The following NOLC1 variants were observed in gnomAD, a reference collection of about 807,000 sequenced individuals.
NOLC1 encodes the protein nucleolar and coiled-body phosphoprotein 1.
Under a neutral mutation model 73.4 loss-of-function variants are expected in NOLC1, and 37 were observed. The ratio of observed to expected loss-of-function variants is 0.50; its 90% confidence interval spans 0.39 to 0.66. The LOEUF is 0.66. Ranked by LOEUF, NOLC1 falls within the 30% of genes least tolerant of loss-of-function variation. NOLC1 has a pLI of 0.00. For synonymous variants in NOLC1, 327 were observed against 302.6 expected, an observed-to-expected ratio of 1.08 and a Z score of -0.84; for missense variants, 921 against 838.9, an observed-to-expected ratio of 1.10 and a Z score of -1.21.
At chr10:102,156,284 G>T (rs1279962057) in intron 1 of NOLC1, among the ~76,000 whole-genome samples, 2 of 151,812 alleles carry the variant, frequency 1.3e-5, no homozygotes, top group Non-Finnish European at 2.9e-5. Context: ...CTTTTTTTTG[G>T]CAGAGGGGTA....
intron 5 of NOLC1, among the ~76,000 whole-genome samples, chr10:102,158,575 G>T (rs1410485660): frequency 1.3e-5 from 2 of 152,062 alleles, no homozygotes; most frequent in Non-Finnish European, 2.9e-5. Context: ...TTCATTCTAT[G>T]AGACAAATGA....
In NOLC1 at chr10:102,160,360, C is replaced by T. The variant is rs1164247041; in HGVS notation, c.1099+17C>T. ...ACAGCTCAGGTAAGGCATATGGAGG[C>T]CCTCAGTTCAGTGAGATGCTCTCAG... is the stretch of plus-strand genomic sequence containing the variant. On this transcript the variant is annotated intron_variant, in intron 9 of 12. Coordinates refer to ENST00000605788, the MANE Select transcript of NOLC1 (RefSeq NM_004741.5). 12 of 1,613,232 alleles carry T rather than the reference C, an allele frequency of 7.4e-6. No homozygotes were observed. The highest frequency in any genetic ancestry group is 1.0e-5 in the Non-Finnish European group (12 of 1,179,258).
rs775790238 is a variant in NOLC1, at chr10:102,159,474, A to T, written c.765A>T (p.Lys255Asn). The change falls in exon 7 of 13, where the codon AAA becomes AAT. Residue 255 changes from lysine (K) to asparagine (N), a missense_variant. Lys to Asn is a moderately conservative substitution (Grantham distance 94). Coordinates refer to ENST00000605788, the MANE Select transcript of NOLC1 (RefSeq NM_004741.5). ...KKQVVAKAPVKAATTPTRKSS... is the reference protein window; with the variant it reads ...KKQVVAKAPVNAATTPTRKSS... ...AAGTTGTGGCCAAGGCCCCAGTGAA[A>T]GCAGCTACCACCCCTACCCGGAAGA... 1 of 1,614,056 alleles carries T rather than the reference A, an allele frequency of 6.2e-7. No homozygotes were observed. The highest frequency in any genetic ancestry group is 1.7e-5 in the Admixed American group (1 of 60,006).
chr10:102,155,517 A>ATT (rs147766613), intron 1 of NOLC1, among the ~76,000 whole-genome samples: 240 of 133,988 alleles, frequency 1.8e-3, no homozygotes, highest in African/African-American at 6.1e-3. Context: ...GCCTGAATGC[A>ATT]TTTTTTTTTT....
In NOLC1 at chr10:102,161,560, A is replaced by G. The variant is rs889057934; in HGVS notation, c.1746A>G (p.Ser582=). 1.9e-5 allele frequency: 31 copies of G among 1,613,376 alleles called. No individual in the cohort carries two copies. The highest frequency in any genetic ancestry group is 3.3e-4 in the Middle Eastern group (2 of 6,064). Residue 582 remains serine, a synonymous_variant, in exon 11 of 13, where the codon TCA becomes TCG. Transcript: ENST00000605788. ...KAAVVVSKSG[S]LKKRKQNEAA... ...GTCTGGCTTTTTGTTTTGTAGGTTCATTAAAGAAGCGGAAGCAGAATGAGG... is the reference window on the plus strand; with the variant it reads ...GTCTGGCTTTTTGTTTTGTAGGTTCGTTAAAGAAGCGGAAGCAGAATGAGG...
Position 102,160,320 on chromosome 10 carries a change from C to G in NOLC1, c.1076C>G (p.Ala359Gly), listed in dbSNP as rs2133760620. 6.2e-7 allele frequency: 1 copy of G among 1,614,200 alleles called. No homozygotes were observed. Among genetic ancestry groups the G allele is most frequent in the Non-Finnish European group, 8.5e-7 (1 of 1,180,020 alleles). ...TTKPPPAKKA[A>G]ESSSDSSDSD... is the part of the protein sequence containing the mutation. ...AAACCACCTCCAGCAAAGAAAGCAG[C>G]AGAGAGCTCTTCAGACAGCTCAGGT... Residue 359 changes from alanine to glycine, a missense_variant, in exon 9 of 13, where the codon GCA (alanine) becomes GGA (glycine). Ala to Gly is a moderately conservative substitution (Grantham distance 60). Transcript: ENST00000605788.
chr10:102,159,123 G>A (rs1336540825), intron 5 of NOLC1, 70 bp from the exon 6 acceptor site: 4 of 1,428,900 alleles, frequency 2.8e-6, no homozygotes, highest in African/African-American at 1.4e-5. Context: ...TCTGCTCATA[G>A]GAAGGAGGTT....
chr10:102,161,106 T>C lies in NOLC1; in HGVS notation c.1741+13T>C. On this transcript the variant is annotated intron_variant, in intron 10 of 12. Transcript: ENST00000605788. ...GTTTCCAAATCAGGTCTGTACCCAA[T>C]GAACATGCCCTCTGGGTTTTGTCCC... The C allele has an allele frequency of 1.3e-6, 2 of 1,587,418 alleles. No homozygotes were observed. The highest frequency in any genetic ancestry group is 1.7e-6 in the Non-Finnish European group (2 of 1,171,816).
At chr10:102,154,393 A>G (rs2069556252) in intron 1 of NOLC1, among the ~76,000 whole-genome samples, 1 of 151,828 alleles carries the variant, frequency 6.6e-6, no homozygotes, top group Non-Finnish European at 1.5e-5. Context: ...AACATGCATT[A>G]TGTCTTATCC....
At position 102,160,902 on chromosome 10, in the gene NOLC1, G is replaced by A; in HGVS notation, c.1550G>A (p.Ser517Asn). 6.2e-7 allele frequency: 1 copy of A among 1,614,202 alleles called. No individual in the cohort carries two copies. Among genetic ancestry groups the A allele is most frequent in the East Asian group, 2.2e-5 (1 of 44,884 alleles). Residue 517 changes from serine to asparagine, a missense_variant, in exon 10 of 13, where the codon AGC (serine) becomes AAC (asparagine). Transcript: ENST00000605788. ...GCAAAGAAAGGAAAGGCTGAGAGCAGCAACAGTTCTTCTTCTGATGACTCC... is the reference window on the plus strand; with the variant it reads ...GCAAAGAAAGGAAAGGCTGAGAGCAACAACAGTTCTTCTTCTGATGACTCC... ...ASAKKGKAESSNSSSSDDSSE... is the reference protein window; with the variant it reads ...ASAKKGKAESNNSSSSDDSSE...
In NOLC1 at chr10:102,160,536, C is replaced by A. The variant is rs946018198; in HGVS notation, c.1184C>A (p.Thr395Asn). The change falls in exon 10 of 13, where the codon ACC (threonine) becomes AAC (asparagine). Residue 395 changes from threonine to asparagine, a missense_variant. Coordinates refer to ENST00000605788, the MANE Select transcript of NOLC1 (RefSeq NM_004741.5). ...TCTTCAAATAAGCCAGCTGTCACCA[C>A]CAAGTCACCTGCAGTGAAGCCAGCT... The part of the protein sequence containing the change: ...KNSSNKPAVT[T>N]KSPAVKPAAA... 1.9e-6 allele frequency: 3 copies of A among 1,614,196 alleles called. No homozygotes were observed. Among genetic ancestry groups the A allele is most frequent in the Admixed American group, 1.7e-5 (1 of 60,024 alleles).
intron 1 of NOLC1, 69 bp downstream of exon 1, chr10:102,152,599 G>C: frequency 1.3e-6 from 2 of 1,598,028 alleles, no homozygotes; most frequent in African/African-American, 1.3e-5. Flanking sequence ...GACGTGCTTA[G>C]GTTTCCAGGT....
rs1474207264 is a variant in NOLC1, at chr10:102,162,162, A to C, written c.1993A>C (p.Thr665Pro). Residue 665 changes from threonine to proline, a missense_variant, in exon 13 of 13, where the codon ACC becomes CCC. Thr to Pro is a conservative substitution (Grantham distance 38). Coordinates refer to ENST00000605788, the MANE Select transcript of NOLC1 (RefSeq NM_004741.5). ...GCGAGCCAATCAGGTTTTGAAGTTC[A>C]CCAAAGGCAAGTCCTTTCGGCATGA... ...GERANQVLKFTKGKSFRHEKT... is the reference protein window; with the variant it reads ...GERANQVLKFPKGKSFRHEKT... 1.2e-6 allele frequency: 2 copies of C among 1,614,118 alleles called. No homozygotes were observed. The highest frequency in any genetic ancestry group is 2.2e-5 in the South Asian group (2 of 91,072).
At chr10:102,153,085 T>G (rs2069533563) in intron 1 of NOLC1, among the ~76,000 whole-genome samples, 1 of 152,226 alleles carries the variant, frequency 6.6e-6, no homozygotes, top group African/African-American at 2.4e-5. Context: ...GGCATAGTAG[T>G]GGGCTTGGAG....
chr10:102,160,989 C>T lies in NOLC1; in HGVS notation c.1637C>T (p.Ala546Val). ...KGSPRPQAPK[A>V]NGTSALTAQN... ...TCTCCAAGACCACAAGCCCCCAAGG[C>T]CAATGGCACCTCTGCACTGACTGCC... The change falls in exon 10 of 13, where the codon GCC (alanine) becomes GTC (valine). Residue 546 changes from alanine (A) to valine (V), a missense_variant. Ala to Val is a moderately conservative substitution (Grantham distance 64, BLOSUM62 0). Coordinates refer to ENST00000605788, the MANE Select transcript of NOLC1 (RefSeq NM_004741.5). The T allele has an allele frequency of 6.2e-7, 1 of 1,614,054 alleles. No homozygotes were observed. The highest frequency in any genetic ancestry group is 8.5e-7 in the Non-Finnish European group (1 of 1,180,014).
At chr10:102,159,106 T>G in intron 5 of NOLC1, 87 bp from the exon 6 acceptor site, 4 of 773,528 alleles carry the variant, frequency 5.2e-6, no homozygotes, top group Non-Finnish European at 8.1e-6. Flanking sequence ...GGTGGACTCC[T>G]AAGTTCTCTG....
chr10:102,157,291 G>A lies in NOLC1; in HGVS notation c.279G>A (p.Glu93=). 1 of 1,614,208 alleles carries A rather than the reference G, an allele frequency of 6.2e-7. No homozygotes were observed. Among genetic ancestry groups the A allele is most frequent in the Non-Finnish European group, 8.5e-7 (1 of 1,180,026 alleles). Residue 93 remains glutamate (E), a synonymous_variant, in exon 3 of 13, where the codon GAG becomes GAA. Transcript: ENST00000605788. ...SSSDSEDSSE[E]EEEVQGPPAK... The stretch of plus-strand genomic sequence containing the variant: ...GTGACAGTGAGGACAGCAGCGAGGA[G>A]GAGGAGGAAGTTCAAGGGCCTCCAG...
chr10:102,160,939 G>A lies in NOLC1; in HGVS notation c.1587G>A (p.Glu529=). ...CTTCTGATGACTCCAGTGAGGAAGA[G>A]GAAGAGAAGCTCAAGGGCAAGGGCT... ...SSSSDDSSEE[E]EEKLKGKGSP... Residue 529 remains glutamate (E), a synonymous_variant, in exon 10 of 13, where the codon GAG becomes GAA. Coordinates refer to ENST00000605788, the MANE Select transcript of NOLC1 (RefSeq NM_004741.5). 6.2e-7 allele frequency: 1 copy of A among 1,614,206 alleles called. No homozygotes were observed. Among genetic ancestry groups the A allele is most frequent in the South Asian group, 1.1e-5 (1 of 91,082 alleles).
At position 102,161,836 on chromosome 10, in the gene NOLC1, G is replaced by A; in HGVS notation, c.1852G>A (p.Glu618Lys). 6.2e-7 allele frequency: 1 copy of A among 1,613,988 alleles called. No homozygotes were observed. Among genetic ancestry groups the A allele is most frequent in the Non-Finnish European group, 8.5e-7 (1 of 1,179,926 alleles). ...PNTFPKRKKG[E>K]KRASSPFRRV... ...TTCCTACTTCATTCTTCTGTAGGGAGAAAAAAGGGCATCATCCCCATTCCG... is the reference window on the plus strand; with the variant it reads ...TTCCTACTTCATTCTTCTGTAGGGAAAAAAAAGGGCATCATCCCCATTCCG... The change falls in exon 12 of 13, where the codon GAA (glutamate) becomes AAA (lysine). Residue 618 changes from glutamate (E) to lysine (K), a missense_variant. Glu to Lys is a moderately conservative substitution (Grantham distance 56, BLOSUM62 1). Transcript: ENST00000605788.
Sources: allele counts gnomAD v4.1 joint callset (sites outside exome capture counted in the v4.1 genomes callset), GRCh38; gene constraint gnomAD v4.1.1; transcripts MANE v1.5; gene names NCBI Gene and HGNC (gene_info 2026-07-23, HGNC 2026-07-21).